The following DDX31 variants were observed in gnomAD, a reference collection of about 807,000 sequenced individuals.
The protein encoded by DDX31 is ATP-dependent DNA helicase DDX31.
In DDX31, 70 loss-of-function variants were observed where a neutral mutation model predicts 91.3. That is an observed-to-expected ratio of 0.77 (90% CI 0.63 to 0.94). The LOEUF (loss-of-function observed/expected upper bound fraction) is 0.94. Among genes scored for constraint, DDX31 ranks in the 40% least tolerant of loss-of-function variants. The probability of loss-of-function intolerance (pLI) is 0.00; values close to 1 mark genes in which losing one functional copy is unlikely to be tolerated. For synonymous variants in DDX31, 362 were observed against 350.6 expected (o/e 1.03, Z -0.36); for missense variants, 902 against 925.0 (o/e 0.98, Z 0.32).
chr9:132,603,054 G>A (rs1227017921), intron 19 of DDX31, among the ~76,000 whole-genome samples: 2 of 152,182 alleles, frequency 1.3e-5, no homozygotes, highest in East Asian at 1.9e-4. Flanking sequence ...TGGCCACTGC[G>A]GATCCTGCCT....
intron 13 of DDX31, among the ~76,000 whole-genome samples, chr9:132,645,199 G>A (rs889795179): frequency 1.3e-5 from 2 of 152,116 alleles, no homozygotes; most frequent in African/African-American, 4.8e-5. Context: ...ATTCCAGTGA[G>A]TATATCTCAC....
chr9:132,598,978 C>T (rs925116379), intron 19 of DDX31, among the ~76,000 whole-genome samples: 9 of 152,212 alleles, frequency 5.9e-5, no homozygotes, highest in Non-Finnish European at 1.2e-4. Context: ...GGTCTTGAAA[C>T]GCTCCTCTAG....
chr9:132,640,020 C>T (rs112469732), intron 14 of DDX31, among the ~76,000 whole-genome samples: 151 of 152,314 alleles, frequency 9.9e-4, no homozygotes, highest in Non-Finnish European at 1.9e-3. Flanking sequence ...CCCTGTCTAG[C>T]GCCCCCAATT....
At chr9:132,644,199 CACAG>C (rs1276563020) in intron 13 of DDX31, among the ~76,000 whole-genome samples, 1 of 152,168 alleles carries the variant, frequency 6.6e-6, no homozygotes, top group African/African-American at 2.4e-5. Flanking sequence ...CTAAATACTA[CACAG>C]ACATTCTACT....
In DDX31 at chr9:132,626,823, C is replaced by G. The variant is rs575603866; in HGVS notation, c.1632-1078G>C. Among the ~76,000 whole-genome samples, 19 of 152,244 alleles carry G rather than the reference C, an allele frequency of 1.2e-4. No homozygotes were observed. The South Asian group carries it at 2.9e-3, about 23-fold the overall frequency. On this transcript the variant is annotated intron_variant, in intron 16 of 19. Coordinates refer to ENST00000372159, the MANE Select transcript of DDX31 (RefSeq NM_022779.9). ...CCCTGCACACCCCCAGCCCTCACCC[C>G]TCAGCATCCTCTCTCTGCTGCCAAC...
chr9:132,644,066 G>A (rs1184506056), intron 13 of DDX31, among the ~76,000 whole-genome samples: 2 of 152,066 alleles, frequency 1.3e-5, no homozygotes, highest in Non-Finnish European at 1.5e-5. Context: ...CAGTGGCCAG[G>A]GTAATAAGTC....
At chr9:132,612,295 G>A (rs373679561) in intron 18 of DDX31, 40 bp from the exon 19 acceptor site, 32 of 1,612,300 alleles carry the variant, frequency 2.0e-5, no homozygotes, top group Non-Finnish European at 2.6e-5. Flanking sequence ...TGTCAGGACC[G>A]GGGTCTCCAA....
At chr9:132,640,903 G>A (rs530134813) in intron 14 of DDX31, among the ~76,000 whole-genome samples, 9 of 152,262 alleles carry the variant, frequency 5.9e-5, no homozygotes, top group East Asian at 5.8e-4. Flanking sequence ...CATCTGACTC[G>A]TGGATGGGCC....
chr9:132,666,760 G>A (rs1391613139), intron 1 of DDX31, among the ~76,000 whole-genome samples: 1 of 151,340 alleles, frequency 6.6e-6, no homozygotes, highest in Non-Finnish European at 1.5e-5. Flanking sequence ...AGGCTGGAGT[G>A]CAGTGGCGCA....
At chr9:132,632,241 T>TGTAC (rs1466872933) in intron 14 of DDX31, 150 bp from the exon 15 acceptor site, 14 of 94,098 alleles carry the variant, frequency 1.5e-4, no homozygotes, top group Non-Finnish European at 1.9e-4. Context: ...CCAGTACGTG[T>TGTAC]ACACACACAC....
intron 16 of DDX31, among the ~76,000 whole-genome samples, chr9:132,626,387 C>T (rs1222328956): frequency 6.6e-6 from 1 of 152,174 alleles, no homozygotes; most frequent in African/African-American, 2.4e-5. Flanking sequence ...GAACAGAAGC[C>T]ACAAGGAGCC....
chr9:132,595,172 G>T lies in DDX31; in HGVS notation c.1995-60C>A, dbSNP rs1292545966. ...CTTTATTATTTTTCTTTCCCATTTG[G>T]AAAGAGGCTGATAGCAGCTGGTTCT... On this transcript the variant is annotated intron_variant, in intron 19 of 19. Coordinates refer to ENST00000372159, the MANE Select transcript of DDX31 (RefSeq NM_022779.9). This position sits in a 1 kb window ranked among gnomAD's most constrained non-coding sequence, Gnocchi z 4.6. The T allele has an allele frequency of 1.9e-6, 3 of 1,569,550 alleles. No homozygotes were observed. In the African/African-American group the frequency reaches 4.1e-5, roughly 21 times the overall value.
intron 18 of DDX31, among the ~76,000 whole-genome samples, chr9:132,613,648 G>C (rs1738958990): frequency 6.6e-6 from 1 of 152,156 alleles, no homozygotes; most frequent in African/African-American, 2.4e-5. Context: ...TAGCAGAGAT[G>C]GTGCCACCGC....
At chr9:132,638,403 T>C (rs1564312809) in intron 14 of DDX31, 2 of 1,614,120 alleles carry the variant, frequency 1.2e-6, no homozygotes, top group Non-Finnish European at 1.7e-6. Context: ...GATAATCCAG[T>C]GTCTGATATC....
chr9:132,612,204 T>G lies in DDX31; in HGVS notation c.1877A>C (p.His626Pro). Residue 626 changes from histidine (H) to proline (P), a missense_variant, in exon 19 of 20, where the codon CAC (histidine) becomes CCC (proline). His to Pro is a moderately conservative substitution (Grantham distance 77). Coordinates refer to ENST00000372159, the MANE Select transcript of DDX31 (RefSeq NM_022779.9). ...GTGGAGGGATCGGACGTGGAAGATGTGCTTCAGCTCCCTGGGGTAGGTGGC... is the reference window on the plus strand; with the variant it reads ...GTGGAGGGATCGGACGTGGAAGATGGGCTTCAGCTCCCTGGGGTAGGTGGC... ...AYATYPRELK[H>P]IFHVRSLHLG... 4 of 1,614,172 alleles carry G rather than the reference T, an allele frequency of 2.5e-6. No individual in the cohort carries two copies. The highest frequency in any genetic ancestry group is 3.4e-6 in the Non-Finnish European group (4 of 1,180,028).
intron 1 of DDX31, among the ~76,000 whole-genome samples, chr9:132,665,321 CAAG>C (rs1252329165): frequency 6.6e-6 from 1 of 152,172 alleles, no homozygotes; most frequent in Non-Finnish European, 1.5e-5. Flanking sequence ...TAGCAGTTGT[CAAG>C]AAGCTTCGTT....
intron 19 of DDX31, among the ~76,000 whole-genome samples, chr9:132,599,190 G>A (rs374905228): frequency 1.2e-4 from 18 of 152,154 alleles, no homozygotes; most frequent in African/African-American, 3.9e-4. Context: ...TCCAACCACC[G>A]CCTGAAACAG....
At chr9:132,653,259 C>A (rs573617369) in intron 6 of DDX31, among the ~76,000 whole-genome samples, 1 of 151,486 alleles carries the variant, frequency 6.6e-6, no homozygotes, top group African/African-American at 2.4e-5. Flanking sequence ...TTTGGGAGGC[C>A]AAGACAGGCG....
intron 6 of DDX31, among the ~76,000 whole-genome samples, chr9:132,657,927 G>A (rs306522): frequency 0.07 from 10,713 of 152,196 alleles, 485 homozygotes; most frequent in East Asian, 0.12. Flanking sequence ...TAACATTTCA[G>A]CTAAATGGCT....
Sources: allele counts gnomAD v4.1 joint callset (sites outside exome capture counted in the v4.1 genomes callset), GRCh38; gene constraint gnomAD v4.1.1; non-coding constraint Gnocchi (gnomAD v3.1); transcripts MANE v1.5; gene names NCBI Gene and HGNC (gene_info 2026-07-23, HGNC 2026-07-21).